NINJ2: variants seen among roughly 807,000 people sequenced by gnomAD.
NINJ2 encodes the protein ninjurin 2, also known as ninjurin-2.
In NINJ2, 12 loss-of-function variants were observed where a neutral mutation model predicts 11.7. The observed-to-expected ratio is 1.02, with a 90% CI of 0.66 to 1.66. The LOEUF is 1.66. NINJ2 is among the 40% of genes most tolerant of loss of function. The probability of loss-of-function intolerance (pLI) is 0.00; values close to 1 mark genes in which losing one functional copy is unlikely to be tolerated. For synonymous variants in NINJ2, 93 were observed against 76.8 expected (o/e 1.21, Z -1.10); for missense variants, 187 against 181.8 (o/e 1.03, Z -0.16).
intron 1 of NINJ2, among the ~76,000 whole-genome samples, chr12:623,762 G>C (rs917448845): frequency 4.6e-5 from 7 of 152,234 alleles, no homozygotes; most frequent in African/African-American, 1.4e-4. Flanking sequence ...GGCTGGGCAT[G>C]GTGGCTCATG....
chr12:637,819 A>G (rs1464170871), intron 1 of NINJ2, among the ~76,000 whole-genome samples: 1 of 152,156 alleles, frequency 6.6e-6, no homozygotes, highest in Admixed American at 6.5e-5. Context: ...CGGGTGGGGT[A>G]AAAGAAATAC....
Position 573,998 on chromosome 12 carries a change from C to T in NINJ2, c.34-7820G>A, listed in dbSNP as rs186941096. ...CCTGTAATCCCAGCAGTTTGGGAGG[C>T]GGATCATGAGGTCAAGAGTTCGAGA... On this transcript the variant is annotated intron_variant, in intron 1 of 3. Coordinates refer to ENST00000305108, the MANE Select transcript of NINJ2 (RefSeq NM_016533.6). Among the ~76,000 whole-genome samples, 399 of 152,228 alleles carry T rather than the reference C, an allele frequency of 2.6e-3. 5 individuals carry two copies. Among genetic ancestry groups the T allele is most frequent in the African/African-American group, 8.8e-3 (367 of 41,550 alleles).
At position 565,320 on chromosome 12, in the gene NINJ2, G is replaced by A. The variant is rs144276869; in HGVS notation, c.344C>T (p.Thr115Ile). Residue 115 changes from threonine (T) to isoleucine (I), a missense_variant, in exon 3 of 4, where the codon ACT (threonine) becomes ATT (isoleucine). By Grantham distance (89) the Thr-to-Ile change is moderately conservative (BLOSUM62 -1). Transcript: ENST00000305108. Reference sequence around the variant, plus strand: ...TGTAATGAAAACATTGATGACCACAGTGAAGAAGACCAAGATGGTGGCTGC... The same window carrying A: ...TGTAATGAAAACATTGATGACCACAATGAAGAAGACCAAGATGGTGGCTGC... ...NNAATILVFF[T>I]VVINVFITAF... is the part of the protein sequence containing the mutation. 2,317 of 1,614,220 alleles carry A rather than the reference G, an allele frequency of 1.4e-3. 3 individuals carry two copies. Among genetic ancestry groups the A allele is most frequent in the Non-Finnish European group, 1.8e-3 (2,092 of 1,180,024 alleles).
intron 1 of NINJ2, among the ~76,000 whole-genome samples, chr12:662,371 C>T (rs1450268891): frequency 6.6e-6 from 1 of 151,366 alleles, no homozygotes; most frequent in South Asian, 2.1e-4. Context: ...GAGACTCTGC[C>T]AGACTCACGC....
At chr12:654,148 T>C (rs1395816939) in intron 1 of NINJ2, among the ~76,000 whole-genome samples, 3 of 152,180 alleles carry the variant, frequency 2.0e-5, no homozygotes, top group Non-Finnish European at 4.4e-5. Context: ...TGAGCCAAGA[T>C]GGTGCCACTG....
intron 2 of NINJ2, chr12:565,632 T>C (rs1218098004): frequency 3.3e-6 from 2 of 611,674 alleles, no homozygotes; most frequent in African/African-American, 3.7e-5. Flanking sequence ...AGCTGGGTCC[T>C]GTAAGCGTGG....
rs927317638 is a variant in NINJ2, at chr12:565,727, C to A, written c.262+223G>T. 7 of 636,702 alleles carry A rather than the reference C, an allele frequency of 1.1e-5. No homozygotes were observed. The Admixed American group carries it at 1.4e-4, about 13-fold the overall frequency. The allele number at this position is 636,702 out of a possible 1,614,324, so 39.4% of individuals were successfully genotyped here. Reference sequence around the variant, plus strand: ...TGGCGCAGTCATTCAGCAGGTACTGCGGAGGGTCTGCTCCATGGGATACCA... The same window carrying A: ...TGGCGCAGTCATTCAGCAGGTACTGAGGAGGGTCTGCTCCATGGGATACCA... On this transcript the variant is annotated intron_variant, in intron 2 of 3. Transcript: ENST00000305108.
intron 1 of NINJ2, among the ~76,000 whole-genome samples, chr12:646,957 C>T (rs1327812479): frequency 1.3e-5 from 2 of 152,162 alleles, no homozygotes; most frequent in Admixed American, 6.5e-5. Flanking sequence ...CTCAGAGACT[C>T]GCTGTTCCAG....
At chr12:629,557 C>A (rs954976605) in intron 1 of NINJ2, among the ~76,000 whole-genome samples, 1 of 152,110 alleles carries the variant, frequency 6.6e-6, no homozygotes, top group Non-Finnish European at 1.5e-5. Context: ...CGGCTTTGAA[C>A]GCGGCCCAAA....
At chr12:660,348 C>CT (rs1366278011) in intron 1 of NINJ2, among the ~76,000 whole-genome samples, 4 of 130,694 alleles carry the variant, frequency 3.1e-5, no homozygotes, top group African/African-American at 8.7e-5. Context: ...TGCTTTCTTT[C>CT]TTTTTTCTTT....
chr12:597,042 C>G (rs1947797744), intron 1 of NINJ2, among the ~76,000 whole-genome samples: 1 of 152,118 alleles, frequency 6.6e-6, no homozygotes. Flanking sequence ...ATAACTATTA[C>G]AAATTTATAC....
chr12:589,664 A>AT (rs1947691382), intron 1 of NINJ2: 1 of 152,236 alleles, frequency 6.6e-6, no homozygotes, highest in South Asian at 2.1e-4. Context: ...GAAATTAAAT[A>AT]TGCGATAAAT....
intron 1 of NINJ2, among the ~76,000 whole-genome samples, chr12:615,067 T>C (rs1948075697): frequency 6.6e-6 from 1 of 152,196 alleles, no homozygotes; most frequent in Middle Eastern, 3.4e-3. Flanking sequence ...ATGTGTAAGG[T>C]AGGGGAGGAC....
At chr12:626,842 T>C (rs1948215871) in intron 1 of NINJ2, among the ~76,000 whole-genome samples, 1 of 152,102 alleles carries the variant, frequency 6.6e-6, no homozygotes, top group Non-Finnish European at 1.5e-5. Context: ...TCCCAGCACT[T>C]TGAGAGGTTG....
At chr12:637,267 T>G (rs1298162520) in intron 1 of NINJ2, among the ~76,000 whole-genome samples, 1 of 151,904 alleles carries the variant, frequency 6.6e-6, no homozygotes, top group Non-Finnish European at 1.5e-5. Context: ...GAGAATTGCT[T>G]GAATCTGGGA....
chr12:587,346 C>T (rs574375806), intron 1 of NINJ2, among the ~76,000 whole-genome samples: 14 of 152,254 alleles, frequency 9.2e-5, no homozygotes, highest in African/African-American at 1.9e-4. Flanking sequence ...GCCCCCATGG[C>T]GGGAGCAACT....
At chr12:604,896 A>C (rs1347167157) in intron 1 of NINJ2, among the ~76,000 whole-genome samples, 2 of 152,220 alleles carry the variant, frequency 1.3e-5, no homozygotes, top group African/African-American at 2.4e-5. Context: ...TATTTTCCAG[A>C]GCAGTGCTCT....
chr12:609,836 G>T (rs945133681), intron 1 of NINJ2, among the ~76,000 whole-genome samples: 36 of 151,148 alleles, frequency 2.4e-4, no homozygotes, highest in African/African-American at 8.3e-4. Context: ...CAGCTACTGA[G>T]GAGGCTCAGG....
chr12:623,836 C>A (rs1423700139), intron 1 of NINJ2, among the ~76,000 whole-genome samples: 1 of 152,150 alleles, frequency 6.6e-6, no homozygotes, highest in Non-Finnish European at 1.5e-5. Flanking sequence ...GAGTTCAAGA[C>A]CAGACTGGGC....
Sources: allele counts gnomAD v4.1 joint callset (sites outside exome capture counted in the v4.1 genomes callset), GRCh38; gene constraint gnomAD v4.1.1; transcripts MANE v1.5; gene names NCBI Gene and HGNC (gene_info 2026-07-23, HGNC 2026-07-21).